Variants in MTG2 observed in about 807,000 individuals in gnomAD.
The protein encoded by MTG2 is mitochondrial ribosome associated GTPase 2, also known as mitochondrial ribosome-associated GTPase 2.
Under a neutral mutation model 28.6 loss-of-function variants are expected in MTG2, and 23 were observed. The ratio of observed to expected loss-of-function variants is 0.80; its 90% confidence interval spans 0.58 to 1.14. MTG2 has a LOEUF of 1.14. Among genes scored for constraint, MTG2 ranks in the 50% most tolerant of loss-of-function variants. The probability of loss-of-function intolerance (pLI) is 0.00; values close to 1 mark genes in which losing one functional copy is unlikely to be tolerated. For missense variants in MTG2, 539 were observed against 552.0 expected, an observed-to-expected ratio of 0.98 and a Z score of 0.24; for synonymous variants, 260 against 251.8, an observed-to-expected ratio of 1.03 and a Z score of -0.31.
chr20:62,197,886 G>A lies in MTG2; in HGVS notation c.387G>A (p.Leu129=). 1 of 1,614,196 alleles carries A rather than the reference G, an allele frequency of 6.2e-7. No individual in the cohort carries two copies. Among genetic ancestry groups the A allele is most frequent in the Non-Finnish European group, 8.5e-7 (1 of 1,180,002 alleles). ...DQQVKSLSSV[L]SRYQGFSGED... ...AAGTCAAGTCCCTGTCGTCGGTCCT[G>A]TCGCGGTACCAGGGTTTCAGTGGAG... Residue 129 remains leucine (L), a synonymous_variant, in exon 4 of 7, where the codon CTG becomes CTA. Transcript: ENST00000370823.
rs914750007 is a variant in MTG2, at chr20:62,184,252, G to A, written c.-6+1195G>A. Among the ~76,000 whole-genome samples, 7 of 152,302 alleles carry A rather than the reference G, an allele frequency of 4.6e-5. No homozygotes were observed. The East Asian group carries it at 1.4e-3, about 29-fold the overall frequency. ...AGGCGCCTGTAATCCCAGCTACTGG[G>A]GAGGCTGAGGCAGGAGAATCGCTTG... On this transcript the variant is annotated intron_variant, in intron 1 of 6. Coordinates refer to ENST00000370823, the MANE Select transcript of MTG2 (RefSeq NM_015666.4).
At chr20:62,191,598 G>A (rs1279440419) in intron 1 of MTG2, among the ~76,000 whole-genome samples, 1 of 152,122 alleles carries the variant, frequency 6.6e-6, no homozygotes, top group African/African-American at 2.4e-5. Context: ...CTGGGGAGAG[G>A]GAGGCGTCCG....
intron 3 of MTG2, 54 bp downstream of exon 3, chr20:62,196,003 G>A (rs2058050862): frequency 1.3e-6 from 2 of 1,595,988 alleles, no homozygotes; most frequent in Admixed American, 1.7e-5. Flanking sequence ...GAGACTGCAT[G>A]TGCATTTGAA....
Position 62,198,827 on chromosome 20 carries a change from T to A in MTG2, c.662T>A (p.Leu221His), listed in dbSNP as rs144402140. The change falls in exon 5 of 7, where the codon CTC becomes CAC. Residue 221 changes from leucine to histidine, a missense_variant. Physicochemically the swap from Leu to His is moderately conservative, Grantham distance 99. Transcript: ENST00000370823. ...PGQQRVLHLE[L>H]KTVAHAGMVG... ...CAGCAGCGAGTTCTCCACCTGGAGCTCAAGACGGTGGCCCACGCCGGAATG... is the reference window on the plus strand; with the variant it reads ...CAGCAGCGAGTTCTCCACCTGGAGCACAAGACGGTGGCCCACGCCGGAATG... The A allele has an allele frequency of 2.5e-5, 41 of 1,613,982 alleles. No homozygotes were observed. In the African/African-American group the frequency reaches 4.7e-4, roughly 18 times the overall value.
chr20:62,185,582 AG>A (rs1169647909), intron 1 of MTG2, among the ~76,000 whole-genome samples: 2 of 152,062 alleles, frequency 1.3e-5, no homozygotes, highest in African/African-American at 4.8e-5. Context: ...GGTTGCAGTG[AG>A]GTGAGATCAT....
At position 62,199,214 on chromosome 20, in the gene MTG2, C is replaced by T; in HGVS notation, c.783C>T (p.Pro261=). The T allele has an allele frequency of 6.2e-7, 1 of 1,614,164 alleles. No homozygotes were observed. The part of the protein sequence containing the change: ...VASYPFTTLK[P]HVGIVHYEGH... ...CCTACCCGTTCACCACCCTGAAGCC[C>T]CACGTCGGGATCGTCCACTACGAAG... Residue 261 remains proline, a synonymous_variant, in exon 6 of 7, where the codon CCC becomes CCT. Transcript: ENST00000370823.
Position 62,195,965 on chromosome 20 carries a change from C to A in MTG2, c.352+16C>A, listed in dbSNP as rs1439693043. 2.5e-6 allele frequency: 4 copies of A among 1,613,390 alleles called. No individual in the cohort carries two copies. Among genetic ancestry groups the A allele is most frequent in the Non-Finnish European group, 3.4e-6 (4 of 1,179,818 alleles). ...ATTCTGAGAGGCAGGTGCCCTGGGG[C>A]AGTGCAGCGGGGTTGAGGAGGGGCC... is the stretch of plus-strand genomic sequence containing the variant. On this transcript the variant is annotated intron_variant, in intron 3 of 6. Coordinates refer to ENST00000370823, the MANE Select transcript of MTG2 (RefSeq NM_015666.4).
At chr20:62,192,897 G>A (rs765823818) in intron 1 of MTG2, among the ~76,000 whole-genome samples, 4 of 152,316 alleles carry the variant, frequency 2.6e-5, no homozygotes, top group East Asian at 1.9e-4. Context: ...TCACCCAGCC[G>A]TGTGAGGAGG....
At chr20:62,198,464 AC>A (rs2058100185) in intron 4 of MTG2, among the ~76,000 whole-genome samples, 169 bp from the exon 5 acceptor site, 1 of 152,162 alleles carries the variant, frequency 6.6e-6, no homozygotes, top group African/African-American at 2.4e-5. Context: ...GAGCACTGGG[AC>A]CTTTTCCTTG....
At chr20:62,194,304 C>G (rs1400750834) in intron 2 of MTG2, among the ~76,000 whole-genome samples, 1 of 152,184 alleles carries the variant, frequency 6.6e-6, no homozygotes, top group African/African-American at 2.4e-5. Flanking sequence ...ATAAGCATTA[C>G]TGGGACAAAC....
chr20:62,186,379 T>C (rs564952729), intron 1 of MTG2, among the ~76,000 whole-genome samples: 1 of 152,338 alleles, frequency 6.6e-6, no homozygotes, highest in African/African-American at 2.4e-5. Flanking sequence ...CAGGTACTTT[T>C]TGTATTTGGC....
intron 2 of MTG2, chr20:62,193,839 C>T (rs912333493): frequency 1.4e-5 from 8 of 562,862 alleles, no homozygotes; most frequent in Middle Eastern, 4.8e-4. Context: ...AGAGGCGCTG[C>T]GTGCTTGGAA....
intron 1 of MTG2, among the ~76,000 whole-genome samples, chr20:62,183,329 G>T (rs899407657): frequency 2.0e-4 from 30 of 152,238 alleles, no homozygotes; most frequent in African/African-American, 6.5e-4. Flanking sequence ...CGCGTTTTGG[G>T]GTCAGAAGTC....
intron 1 of MTG2, among the ~76,000 whole-genome samples, chr20:62,184,164 C>G (rs929830983): frequency 6.6e-6 from 1 of 152,210 alleles, no homozygotes; most frequent in Non-Finnish European, 1.5e-5. Flanking sequence ...AAAGACCAGC[C>G]TGGCCAACAT....
chr20:62,199,372 G>A (rs1246385961), intron 6 of MTG2, 115 bp downstream of exon 6: 9 of 1,356,282 alleles, frequency 6.6e-6, no homozygotes, highest in East Asian at 2.5e-5. Context: ...TTGGCCAGGC[G>A]TGGTGGCTCA....
chr20:62,189,298 C>G (rs2145834593), intron 1 of MTG2, among the ~76,000 whole-genome samples: 1 of 147,950 alleles, frequency 6.8e-6, no homozygotes. Context: ...GAGTGAGACT[C>G]TGTCTCAAAA....
In MTG2 at chr20:62,201,118, A is replaced by G; in HGVS notation, c.*41A>G. 1 of 1,528,188 alleles carries G rather than the reference A, an allele frequency of 6.5e-7. No homozygotes were observed. The highest frequency in any genetic ancestry group is 8.7e-7 in the Non-Finnish European group (1 of 1,144,716). The allele number at this position is 1,528,188 out of a possible 1,614,324, so 94.7% of individuals were successfully genotyped here. ...GTCGCCTCTGGGCCTCTGTCTGAGC[A>G]AACCTGGGTGTGAATTCGGTGGTTT... On this transcript the variant is annotated 3_prime_UTR_variant, in exon 7 of 7. Transcript: ENST00000370823.
intron 1 of MTG2, among the ~76,000 whole-genome samples, chr20:62,186,415 A>G (rs2057845737): frequency 6.6e-6 from 1 of 151,964 alleles, no homozygotes; most frequent in Admixed American, 6.6e-5. Flanking sequence ...GTTTTTTCTT[A>G]ATTTTAATTT....
chr20:62,194,655 A>C (rs1187712974), intron 2 of MTG2, among the ~76,000 whole-genome samples: 2 of 152,178 alleles, frequency 1.3e-5, no homozygotes, highest in Non-Finnish European at 2.9e-5. Flanking sequence ...TTAAAAGAAA[A>C]AAAAACTGCA....
Sources: allele counts gnomAD v4.1 joint callset (sites outside exome capture counted in the v4.1 genomes callset), GRCh38; gene constraint gnomAD v4.1.1; transcripts MANE v1.5; gene names NCBI Gene and HGNC (gene_info 2026-07-23, HGNC 2026-07-21).